The following PID1 variants were observed in gnomAD, a reference collection of about 807,000 sequenced individuals.
PID1 encodes phosphotyrosine interaction domain containing 1, also known as PTB-containing, cubilin and LRP1-interacting protein.
Under a neutral mutation model 19.1 loss-of-function variants are expected in PID1, and 10 were observed. The ratio of observed to expected loss-of-function variants is 0.52; its 90% CI spans 0.32 to 0.89. PID1 has a LOEUF of 0.89. Among genes scored for constraint, PID1 ranks in the 40% least tolerant of loss-of-function variants. The pLI is 0.03. For missense variants in PID1, 248 were observed against 285.3 expected (o/e 0.87, Z 0.94); for synonymous variants, 130 against 116.0 (o/e 1.12, Z -0.78).
chr2:229,212,633 G>C (rs2106250716), intron 1 of PID1, among the ~76,000 whole-genome samples: 1 of 152,242 alleles, frequency 6.6e-6, no homozygotes, highest in Non-Finnish European at 1.5e-5. Flanking sequence ...AGGTTTCTTT[G>C]ACAAAGACTG....
In PID1 at chr2:229,091,270, C is replaced by T. The variant is rs1250610397; in HGVS notation, c.177+64548G>A. ...AATGATTACTAGCAAAATGGGCATG[C>T]AATTCCCTTTCAAAGCAATGGGTTT... is the stretch of plus-strand genomic sequence containing the variant. On this transcript the variant is annotated intron_variant, in intron 2 of 2. Transcript: ENST00000392055. Among the ~76,000 whole-genome samples the T allele has an allele frequency of 2.6e-5, 4 of 151,218 alleles. No homozygotes were observed. The East Asian group carries it at 5.8e-4, about 22-fold the overall frequency.
At chr2:229,260,427 A>G (rs1469086336) in intron 1 of PID1, among the ~76,000 whole-genome samples, 2 of 151,698 alleles carry the variant, frequency 1.3e-5, no homozygotes, top group Admixed American at 6.6e-5. Flanking sequence ...AAAGATACCC[A>G]CAAAACACAG....
intron 1 of PID1, among the ~76,000 whole-genome samples, chr2:229,228,323 T>C (rs1308565534): frequency 6.6e-6 from 1 of 152,194 alleles, no homozygotes; most frequent in Non-Finnish European, 1.5e-5. Flanking sequence ...AAACTAAGTA[T>C]CCTAAAATCA....
At chr2:229,127,073 C>T (rs1695637113) in intron 2 of PID1, among the ~76,000 whole-genome samples, 1 of 152,162 alleles carries the variant, frequency 6.6e-6, no homozygotes, top group Non-Finnish European at 1.5e-5. Context: ...TAATGGGCCT[C>T]GCTTGGACTA....
At chr2:229,183,242 C>T (rs1574699119) in intron 1 of PID1, among the ~76,000 whole-genome samples, 1 of 152,122 alleles carries the variant, frequency 6.6e-6, no homozygotes. Context: ...TTCAGCAACC[C>T]CCTGAAGCCA....
intron 2 of PID1, among the ~76,000 whole-genome samples, chr2:229,132,271 T>C (rs570167305): frequency 4.4e-4 from 67 of 152,326 alleles, no homozygotes; most frequent in Middle Eastern, 3.4e-3. Context: ...CTATGTTCCA[T>C]GTGTGACATC....
At chr2:229,196,928 T>C (rs1451701430) in intron 1 of PID1, among the ~76,000 whole-genome samples, 1 of 152,052 alleles carries the variant, frequency 6.6e-6, no homozygotes, top group African/African-American at 2.4e-5. Context: ...ATTGATACAC[T>C]AGTATACCAA....
chr2:229,125,239 G>GACCC, intron 2 of PID1, among the ~76,000 whole-genome samples: 1 of 152,150 alleles, frequency 6.6e-6, no homozygotes, highest in Non-Finnish European at 1.5e-5. Flanking sequence ...CTAAATGGAA[G>GACCC]AGGCTTCATC....
chr2:229,118,103 A>G (rs556515546), intron 2 of PID1, among the ~76,000 whole-genome samples: 2 of 152,322 alleles, frequency 1.3e-5, no homozygotes, highest in East Asian at 3.9e-4. Context: ...TAAGTACTCA[A>G]TAAATACTTG....
chr2:229,228,225 C>G (rs1038639305), intron 1 of PID1, among the ~76,000 whole-genome samples: 9 of 152,134 alleles, frequency 5.9e-5, no homozygotes, highest in African/African-American at 2.2e-4. Context: ...ACTTGTGTCC[C>G]TACTTGTTCA....
At chr2:229,241,851 T>C (rs545719086) in intron 1 of PID1, among the ~76,000 whole-genome samples, 3 of 152,266 alleles carry the variant, frequency 2.0e-5, no homozygotes, top group African/African-American at 7.2e-5. Flanking sequence ...TTACATATAA[T>C]ACAGAACTGT....
At chr2:229,250,408 G>GT (rs1690118756) in intron 1 of PID1, among the ~76,000 whole-genome samples, 1 of 152,164 alleles carries the variant, frequency 6.6e-6, no homozygotes, top group African/African-American at 2.4e-5. Flanking sequence ...ATCAGACCCA[G>GT]TATCAACTGA....
intron 1 of PID1, among the ~76,000 whole-genome samples, chr2:229,252,228 G>C (rs972807887): frequency 1.3e-5 from 2 of 152,168 alleles, no homozygotes; most frequent in Non-Finnish European, 2.9e-5. Context: ...TTAATTATAG[G>C]GAAAGGAGGA....
chr2:229,093,471 T>C (rs1250106634), intron 2 of PID1, among the ~76,000 whole-genome samples: 1 of 151,648 alleles, frequency 6.6e-6, no homozygotes, highest in South Asian at 2.1e-4. Context: ...CAGCTGACTT[T>C]TGCTGTGTAA....
At chr2:229,199,925 ATG>A (rs1218611139) in intron 1 of PID1, among the ~76,000 whole-genome samples, 1 of 151,970 alleles carries the variant, frequency 6.6e-6, no homozygotes, top group African/African-American at 2.4e-5. Context: ...TTCTACATAT[ATG>A]TGTGTGTGCA....
rs1476519126 is a variant in PID1 at position 229,271,098 on chromosome 2, G to A, written c.-55C>T. On this transcript the variant is annotated 5_prime_UTR_variant, in exon 1 of 3. Transcript: ENST00000392055. ...CGCTGGCGAGACTGTCGATCGCGCC[G>A]GGGGGCGAGGGGCTGGGGTCCCGCT... is the stretch of plus-strand genomic sequence containing the variant. 9 of 1,524,022 alleles carry A rather than the reference G, an allele frequency of 5.9e-6. No homozygotes were observed. The highest frequency in any genetic ancestry group is 1.2e-5 in the South Asian group (1 of 82,598). The allele number at this position is 1,524,022 out of a possible 1,614,324, so 94.4% of individuals were successfully genotyped here. A position where few individuals can be genotyped will look rare whatever the true frequency, so the allele number is the denominator to read the frequency against.
intron 2 of PID1, among the ~76,000 whole-genome samples, chr2:229,155,141 T>A (rs1690339103): frequency 6.6e-6 from 1 of 152,218 alleles, no homozygotes; most frequent in Non-Finnish European, 1.5e-5. Context: ...TTCTTCAAGA[T>A]ATGTTTTATT....
intron 2 of PID1, among the ~76,000 whole-genome samples, chr2:229,108,336 G>A (rs560186600): frequency 1.3e-5 from 2 of 152,210 alleles, no homozygotes; most frequent in Admixed American, 6.5e-5. Flanking sequence ...TGATCACTAC[G>A]CACCCTGTAA....
intron 1 of PID1, among the ~76,000 whole-genome samples, chr2:229,170,051 AG>A (rs1426761618): frequency 6.6e-6 from 1 of 152,214 alleles, no homozygotes; most frequent in Non-Finnish European, 1.5e-5. Context: ...CTGACAAGGT[AG>A]CTGCTGCATC....
Sources: gnomAD v4.1 joint callset for allele counts (sites outside exome capture counted in the v4.1 genomes callset) on GRCh38, gnomAD v4.1.1 for gene constraint, MANE v1.5 for transcripts, NCBI Gene and HGNC (gene_info 2026-07-23, HGNC 2026-07-21) for gene names.